ACP6: variants seen among roughly 807,000 people sequenced by gnomAD.
The protein encoded by ACP6 is acid phosphatase 6, lysophosphatidic.
Under a neutral mutation model 48.1 loss-of-function variants are expected in ACP6, and 48 were observed. The ratio of observed to expected loss-of-function variants is 1.00; its 90% CI spans 0.79 to 1.27. ACP6 has a LOEUF of 1.27. Ranked by LOEUF, ACP6 falls within the 50% of genes most tolerant of loss-of-function variation. ACP6 has a pLI of 0.00. For synonymous variants in ACP6, 172 were observed against 204.2 expected (o/e 0.84, Z 1.34); for missense variants, 485 against 529.1 (o/e 0.92, Z 0.82).
chr1:147,631,109 A>G (rs587719301), intron 5 of ACP6: 17 of 152,326 alleles, frequency 1.1e-4, no homozygotes, highest in Admixed American at 5.2e-4. Flanking sequence ...GATAATACCA[A>G]TGAGGAAATA....
chr1:147,661,791 G>A (rs1364796485), intron 1 of ACP6, among the ~76,000 whole-genome samples: 2 of 152,190 alleles, frequency 1.3e-5, no homozygotes, highest in Non-Finnish European at 2.9e-5. Context: ...CAATGAGAAA[G>A]TGAAACAACC....
At chr1:147,653,004 T>C (rs1338952815) in intron 6 of ACP6, among the ~76,000 whole-genome samples, 8 of 152,304 alleles carry the variant, frequency 5.3e-5, no homozygotes, top group African/African-American at 1.7e-4. Context: ...TTTTTTTGTA[T>C]TTTTAGTAGA....
intron 1 of ACP6, among the ~76,000 whole-genome samples, chr1:147,664,255 C>T (rs1022638808): frequency 2.6e-5 from 4 of 152,156 alleles, no homozygotes; most frequent in East Asian, 1.9e-4. Context: ...AAAAACCCTT[C>T]GAGGGTTCAT....
intron 7 of ACP6, chr1:147,651,104 T>C (rs781960458): frequency 6.6e-6 from 1 of 152,318 alleles, no homozygotes; most frequent in Admixed American, 6.5e-5. Context: ...TAAATGACCA[T>C]CTTTATAAGT....
chr1:147,632,454 G>A (rs1659196289), intron 5 of ACP6, among the ~76,000 whole-genome samples: 1 of 152,064 alleles, frequency 6.6e-6, no homozygotes, highest in African/African-American at 2.4e-5. Flanking sequence ...GCTGGTTGTG[G>A]TACATGAGGT....
Position 147,652,543 on chromosome 1 carries a change from T to G in ACP6, c.787A>C (p.Asn263His). The G allele has an allele frequency of 6.2e-7, 1 of 1,614,116 alleles. No homozygotes were observed. Among genetic ancestry groups the G allele is most frequent in the Non-Finnish European group, 8.5e-7 (1 of 1,180,018 alleles). Residue 263 changes from asparagine to histidine, a missense_variant, in exon 7 of 10, where the codon AAC becomes CAC. By Grantham distance (68) the Asn-to-His change is moderately conservative. Transcript: ENST00000583509. ...TTCAGCATGGGGCAGCTTGGGAGGT[T>G]GTGTGCCTGAAAGGGCCACATGTAG... ...LDNVAAEQAHNLPSCPMLKRF... is the reference protein window; with the variant it reads ...LDNVAAEQAHHLPSCPMLKRF...
intron 1 of ACP6, among the ~76,000 whole-genome samples, chr1:147,660,079 C>T (rs1439825388): frequency 6.6e-5 from 10 of 152,166 alleles, no homozygotes; most frequent in Middle Eastern, 3.4e-3. Flanking sequence ...GCCTGGCATG[C>T]GGATACGTGG....
chr1:147,647,741 C>T, intron 9 of ACP6, 175 bp from the exon 10 acceptor site: 1 of 820,792 alleles, frequency 1.2e-6, no homozygotes, highest in Non-Finnish European at 1.8e-6. Context: ...CTATGCTCTG[C>T]TTGTAAAAGT....
At chr1:147,640,994 G>A (rs782634767), downstream of ACP6, among the ~76,000 whole-genome samples, 2 of 152,086 alleles carry the variant, frequency 1.3e-5, no homozygotes, top group Non-Finnish European at 2.9e-5. Context: ...CAGCAGAAGA[G>A]ACTCATCGCT....
In ACP6 at chr1:147,648,210, C is replaced by G. The variant is rs781919219; in HGVS notation, c.1143+36G>C. 11 of 1,608,718 alleles carry G rather than the reference C, an allele frequency of 6.8e-6. No individual in the cohort carries two copies. The Middle Eastern group carries it at 1.4e-3, about 201-fold the overall frequency. On this transcript the variant is annotated intron_variant, in intron 9 of 9. Coordinates refer to ENST00000583509, the MANE Select transcript of ACP6 (RefSeq NM_016361.5). ...GGTAGGTGGGTTTTGCAGGAGGGTG[C>G]CTCACCACCACCCAACCCCACCTCA...
intron 1 of ACP6, among the ~76,000 whole-genome samples, chr1:147,661,418 C>T (rs1307470113): frequency 6.6e-6 from 1 of 151,890 alleles, no homozygotes; most frequent in Non-Finnish European, 1.5e-5. Context: ...GCGCCACAAA[C>T]CGCCCCCATA....
intron 7 of ACP6, 33 bp downstream of exon 7, chr1:147,652,416 C>T (rs782048916): frequency 2.3e-5 from 36 of 1,588,338 alleles, no homozygotes; most frequent in Admixed American, 1.9e-4. Flanking sequence ...TCTGACCAAG[C>T]GTGACTTCAT....
At position 147,647,482 on chromosome 1, in the gene ACP6, C is replaced by A. The variant is rs1553209642; in HGVS notation, c.1228G>T (p.Glu410Ter). The change falls in exon 10 of 10, where the codon GAA becomes TAA. Residue 410 changes from glutamate (E) to a stop codon, truncating the protein, a stop_gained. Transcript: ENST00000583509. LOFTEE classifies it high-confidence loss of function. ...NAMSVYTLSPEKYHALCSQTQ... is the reference protein window; with the variant it reads ...NAMSVYTLSP ...TGAGAGCAGAGTGCGTGGTATTTTTCTGGGCTTAAGGTATAAACTGACATG... is the reference window on the plus strand; with the variant it reads ...TGAGAGCAGAGTGCGTGGTATTTTTATGGGCTTAAGGTATAAACTGACATG... The A allele has an allele frequency of 6.2e-7, 1 of 1,614,178 alleles. No homozygotes were observed. Among genetic ancestry groups the A allele is most frequent in the Admixed American group, 1.7e-5 (1 of 60,016 alleles).
At chr1:147,661,215 C>T (rs1463765259) in intron 1 of ACP6, among the ~76,000 whole-genome samples, 4 of 152,200 alleles carry the variant, frequency 2.6e-5, no homozygotes, top group African/African-American at 9.6e-5. Flanking sequence ...CTCACTGAAA[C>T]GTCTGCCTCC....
chr1:147,670,121 C>T lies in ACP6; in HGVS notation c.-73G>A, dbSNP rs1557898332. 8.0e-6 allele frequency: 11 copies of T among 1,376,630 alleles called. No homozygotes were observed. The highest frequency in any genetic ancestry group is 1.1e-5 in the Non-Finnish European group (11 of 1,047,264). The allele number at this position is 1,376,630 out of a possible 1,614,324, so 85.3% of individuals were successfully genotyped here. ...CACAAGTCTTCTGCGGGCGCCGGGGCTCAGCGGGCGCCCCCAAGTCCGCGG... is the reference window on the plus strand; with the variant it reads ...CACAAGTCTTCTGCGGGCGCCGGGGTTCAGCGGGCGCCCCCAAGTCCGCGG... On this transcript the variant is annotated 5_prime_UTR_variant, in exon 1 of 10. Coordinates refer to ENST00000583509, the MANE Select transcript of ACP6 (RefSeq NM_016361.5).
chr1:147,663,309 G>A (rs1553213102), intron 1 of ACP6, among the ~76,000 whole-genome samples: 1 of 152,054 alleles, frequency 6.6e-6, no homozygotes, highest in African/African-American at 2.4e-5. Context: ...TGCAGTAAAT[G>A]GGGAAAGAGA....
At chr1:147,662,077 T>A (rs1660573492) in intron 1 of ACP6, among the ~76,000 whole-genome samples, 1 of 152,246 alleles carries the variant, frequency 6.6e-6, no homozygotes, top group East Asian at 1.9e-4. Context: ...TGGCAGGACA[T>A]CTGTTTACAG....
chr1:147,648,414 G>A lies in ACP6; in HGVS notation c.978-3C>T. ...GAGCCGCATAGAGATACAGCTTTCT[G>A]CAAGAGGAAACAGCTCTCCACAATT... On this transcript the variant is annotated splice_polypyrimidine_tract_variant and splice_region_variant and intron_variant, in intron 8 of 9. Coordinates refer to ENST00000583509, the MANE Select transcript of ACP6 (RefSeq NM_016361.5). 1.2e-6 allele frequency: 2 copies of A among 1,614,060 alleles called. No homozygotes were observed. The highest frequency in any genetic ancestry group is 1.7e-6 in the Non-Finnish European group (2 of 1,179,970).
intron 1 of ACP6, among the ~76,000 whole-genome samples, chr1:147,660,537 T>C (rs149166166): frequency 1.2e-4 from 18 of 152,286 alleles, no homozygotes; most frequent in Non-Finnish European, 2.5e-4. Context: ...CCTCAAACCT[T>C]TGGCTCCCTG....
Sources: allele counts gnomAD v4.1 joint callset (sites outside exome capture counted in the v4.1 genomes callset), GRCh38; gene constraint gnomAD v4.1.1; transcripts MANE v1.5; gene names NCBI Gene and HGNC (gene_info 2026-07-23, HGNC 2026-07-21).